The following SPTLC3 variants were observed in gnomAD, a reference collection of about 807,000 sequenced individuals.
The protein encoded by SPTLC3 is serine palmitoyltransferase 3.
Under a neutral mutation model 59.3 loss-of-function variants are expected in SPTLC3, and 36 were observed. The ratio of observed to expected loss-of-function variants is 0.61; its 90% CI spans 0.47 to 0.80. The LOEUF (loss-of-function observed/expected upper bound fraction) is 0.80. Among genes scored for constraint, SPTLC3 ranks in the 30% least tolerant of loss-of-function variants. The pLI is 0.00. For missense variants in SPTLC3, 625 were observed against 685.1 expected (o/e 0.91, Z 0.98); for synonymous variants, 257 against 240.8 (o/e 1.07, Z -0.62).
At position 13,166,801 on chromosome 20, in the gene SPTLC3, A is replaced by G. The variant is rs1232937369; in HGVS notation, c.*1934A>G. ...GATGTTTACACACACCTTCACATCT[A>G]CACTTCAAGTTTTAAGCCCCTAGAC... is the stretch of plus-strand genomic sequence containing the variant. On this transcript the variant is annotated 3_prime_UTR_variant, in exon 12 of 12. Transcript: ENST00000399002. 1 of 152,176 alleles carries G rather than the reference A, an allele frequency of 6.6e-6. No homozygotes were observed. 9.4% of individuals were successfully genotyped at this position (152,176 alleles called of 1,614,324 possible). A position where few individuals can be genotyped will look rare whatever the true frequency, so the allele number is the denominator to read the frequency against.
At chr20:13,155,111 G>A (rs1165983437) in intron 10 of SPTLC3, among the ~76,000 whole-genome samples, 1 of 152,016 alleles carries the variant, frequency 6.6e-6, no homozygotes, top group Non-Finnish European at 1.5e-5. Context: ...ACACCAGGAG[G>A]CAGAGGTTGC....
At chr20:13,087,358 G>A (rs992777683) in intron 4 of SPTLC3, among the ~76,000 whole-genome samples, 1 of 152,150 alleles carries the variant, frequency 6.6e-6, no homozygotes, top group African/African-American at 2.4e-5. Context: ...TGGGTGACTG[G>A]GCCAGTTTCC....
chr20:13,159,880 T>C lies in SPTLC3; in HGVS notation c.1416-123T>C, dbSNP rs6041923. 4.6e-6 allele frequency: 6 copies of C among 1,312,458 alleles called. No homozygotes were observed. The Admixed American group carries it at 7.6e-5, about 17-fold the overall frequency. The allele number at this position is 1,312,458 out of a possible 1,614,324, so 81.3% of individuals were successfully genotyped here. A position where few individuals can be genotyped will look rare whatever the true frequency, so the allele number is the denominator to read the frequency against. On this transcript the variant is annotated intron_variant, in intron 10 of 11. Coordinates refer to ENST00000399002, the MANE Select transcript of SPTLC3 (RefSeq NM_018327.4). ...AAAAACTTCAATCATCTTCCACTTA[T>C]TATCATAAAAAAGAAAAAAGAAAAA... is the stretch of plus-strand genomic sequence containing the variant.
At chr20:13,103,999 A>G (rs2122664177) in intron 6 of SPTLC3, among the ~76,000 whole-genome samples, 1 of 152,200 alleles carries the variant, frequency 6.6e-6, no homozygotes, top group East Asian at 1.9e-4. Context: ...GAGGCTTGCT[A>G]TTATTAGGGT....
At chr20:13,035,782 G>A (rs971731036) in intron 1 of SPTLC3, among the ~76,000 whole-genome samples, 1 of 152,082 alleles carries the variant, frequency 6.6e-6, no homozygotes. Context: ...GTTTTATAAA[G>A]CATTTCTAAA....
chr20:13,053,757 A>G (rs1018967589), intron 2 of SPTLC3, among the ~76,000 whole-genome samples: 1 of 152,078 alleles, frequency 6.6e-6, no homozygotes, highest in Non-Finnish European at 1.5e-5. Context: ...AAGTATCAAT[A>G]GCCAAATTGA....
At chr20:13,085,597 C>G (rs755957018) in intron 4 of SPTLC3, among the ~76,000 whole-genome samples, 1 of 152,118 alleles carries the variant, frequency 6.6e-6, no homozygotes, top group Non-Finnish European at 1.5e-5. Flanking sequence ...ATAGTCTTCA[C>G]GTGGGCTACA....
chr20:13,073,940 G>C, intron 3 of SPTLC3: 1 of 585,186 alleles, frequency 1.7e-6, no homozygotes, highest in Non-Finnish European at 3.4e-6. Flanking sequence ...ATCCAGGGAG[G>C]TGTGGCACCT....
chr20:13,110,166 G>C lies in SPTLC3; in HGVS notation c.881G>C (p.Arg294Pro). 1 of 1,613,486 alleles carries C rather than the reference G, an allele frequency of 6.2e-7. No homozygotes were observed. Among genetic ancestry groups the C allele is most frequent in the Non-Finnish European group, 8.5e-7 (1 of 1,179,722 alleles). The change falls in exon 7 of 12, where the codon CGA (arginine) becomes CCA (proline). Residue 294 changes from arginine (R) to proline (P), a missense_variant. Physicochemically the swap from Arg to Pro is moderately radical, Grantham distance 103. Coordinates refer to ENST00000399002, the MANE Select transcript of SPTLC3 (RefSeq NM_018327.4). ...GATGCTGTCATCTATGGCCAGCCTC[G>C]AACCCGCAGAGCTTGGAAAAAGATT... ...LRDAVIYGQP[R>P]TRRAWKKILI...
At chr20:13,093,784 C>A (rs1380613077) in intron 6 of SPTLC3, among the ~76,000 whole-genome samples, 1 of 152,140 alleles carries the variant, frequency 6.6e-6, no homozygotes, top group Non-Finnish European at 1.5e-5. Flanking sequence ...TTAAGTGTAA[C>A]CCAAACACAT....
intron 6 of SPTLC3, among the ~76,000 whole-genome samples, chr20:13,104,046 A>G (rs1216600481): frequency 6.6e-6 from 1 of 152,164 alleles, no homozygotes; most frequent in Non-Finnish European, 1.5e-5. Context: ...CAGGCTGGCT[A>G]AGAGCATTTG....
chr20:13,091,785 A>G (rs1989231121), intron 5 of SPTLC3, among the ~76,000 whole-genome samples: 1 of 152,128 alleles, frequency 6.6e-6, no homozygotes, highest in African/African-American at 2.4e-5. Context: ...TGGGCTCCTG[A>G]GTTCCCATCT....
intron 11 of SPTLC3, among the ~76,000 whole-genome samples, chr20:13,161,046 C>T (rs2038885851): frequency 6.6e-6 from 1 of 152,088 alleles, no homozygotes; most frequent in African/African-American, 2.4e-5. Context: ...TAAGATGTAG[C>T]TATTTAAACA....
chr20:13,071,922 T>G (rs1179734124), intron 2 of SPTLC3, among the ~76,000 whole-genome samples: 1 of 152,150 alleles, frequency 6.6e-6, no homozygotes, highest in African/African-American at 2.4e-5. Context: ...CACATGATCA[T>G]CTCAACCATT....
At position 13,164,931 on chromosome 20, in the gene SPTLC3, G is replaced by A; in HGVS notation, c.*64G>A. 7.2e-7 allele frequency: 1 copy of A among 1,380,620 alleles called. No individual in the cohort carries two copies. Among genetic ancestry groups the A allele is most frequent in the Non-Finnish European group, 1.0e-6 (1 of 1,001,746 alleles). The allele number at this position is 1,380,620 out of a possible 1,614,324, so 85.5% of individuals were successfully genotyped here. A position where few individuals can be genotyped will look rare whatever the true frequency, so the allele number is the denominator to read the frequency against. On this transcript the variant is annotated 3_prime_UTR_variant, in exon 12 of 12. Transcript: ENST00000399002. ...AAAGACCTCCCTCCTTGCCTCACAA[G>A]GAATATAAATGGATTTCTCCCCCTT...
intron 1 of SPTLC3, among the ~76,000 whole-genome samples, chr20:13,044,804 CA>C (rs1471451352): frequency 2.6e-5 from 4 of 152,118 alleles, no homozygotes; most frequent in Non-Finnish European, 5.9e-5. Flanking sequence ...CAAGGTCACA[CA>C]GGCAGCAAAG....
chr20:13,147,302 T>G (rs930213728), intron 9 of SPTLC3, among the ~76,000 whole-genome samples: 1 of 152,180 alleles, frequency 6.6e-6, no homozygotes, highest in African/African-American at 2.4e-5. Flanking sequence ...CTCCAAATGT[T>G]CTTTTCTCCA....
At position 13,110,093 on chromosome 20, in the gene SPTLC3, T is replaced by A. The variant is rs1990139032; in HGVS notation, c.827-19T>A. 6.3e-7 allele frequency: 1 copy of A among 1,578,932 alleles called. No homozygotes were observed. The highest frequency in any genetic ancestry group is 1.4e-5 in the African/African-American group (1 of 72,476). ...AAACCCTTTCATGACTCAATTTTTT[T>A]TTTTGGTATTATTTAAAGACACACA... On this transcript the variant is annotated intron_variant, in intron 6 of 11. Coordinates refer to ENST00000399002, the MANE Select transcript of SPTLC3 (RefSeq NM_018327.4).
chr20:13,025,563 G>A (rs1159969066), intron 1 of SPTLC3, among the ~76,000 whole-genome samples: 1 of 152,062 alleles, frequency 6.6e-6, no homozygotes, highest in Non-Finnish European at 1.5e-5. Context: ...TGCATGCAAA[G>A]CCTTAGAACA....
Sources: gnomAD v4.1 joint callset for allele counts (sites outside exome capture counted in the v4.1 genomes callset) on GRCh38, gnomAD v4.1.1 for gene constraint, MANE v1.5 for transcripts, NCBI Gene and HGNC (gene_info 2026-07-23, HGNC 2026-07-21) for gene names.